The following ZFAND3 variants were observed in gnomAD, a reference collection of about 807,000 sequenced individuals.
The protein encoded by ZFAND3 is zinc finger AN1-type containing 3.
In ZFAND3, 10 loss-of-function variants were observed where a neutral mutation model predicts 29.6. The ratio of observed to expected loss-of-function variants is 0.34; its 90% confidence interval spans 0.21 to 0.57. ZFAND3 has a LOEUF of 0.57. Among genes scored for constraint, ZFAND3 ranks in the 20% least tolerant of loss-of-function variants. The pLI is 0.86. For missense variants in ZFAND3, 230 were observed against 304.5 expected, an observed-to-expected ratio of 0.76 and a Z score of 1.82; for synonymous variants, 128 against 112.6, an observed-to-expected ratio of 1.14 and a Z score of -0.87.
intron 4 of ZFAND3, among the ~76,000 whole-genome samples, chr6:38,086,842 C>T (rs568120991): frequency 6.6e-6 from 1 of 152,164 alleles, no homozygotes; most frequent in South Asian, 2.1e-4. Context: ...GAAAAAAATC[C>T]TAAAATTTAT....
chr6:38,066,626 T>A (rs922396474), intron 3 of ZFAND3, among the ~76,000 whole-genome samples: 4 of 152,204 alleles, frequency 2.6e-5, no homozygotes, highest in Non-Finnish European at 1.5e-5. Flanking sequence ...TTTTATTATT[T>A]TTTTTCCTAA....
intron 5 of ZFAND3, among the ~76,000 whole-genome samples, chr6:38,149,016 G>A (rs879901194): frequency 3.3e-5 from 5 of 152,094 alleles, no homozygotes; most frequent in African/African-American, 4.8e-5. Context: ...TACCAGCGCT[G>A]CTCCCAAAAT....
intron 2 of ZFAND3, among the ~76,000 whole-genome samples, chr6:37,980,163 CTTTT>C (rs5875605): frequency 1.4e-5 from 2 of 141,586 alleles, no homozygotes; most frequent in African/African-American, 2.6e-5. Context: ...AGGTCACTGT[CTTTT>C]TTTTTTTTTT....
At chr6:37,916,213 T>A (rs1302764765) in intron 1 of ZFAND3, among the ~76,000 whole-genome samples, 1 of 152,132 alleles carries the variant, frequency 6.6e-6, no homozygotes, top group African/African-American at 2.4e-5. Context: ...ATGAAAATGT[T>A]TGAAATATTG....
intron 4 of ZFAND3, among the ~76,000 whole-genome samples, chr6:38,103,395 A>T (rs1271557723): frequency 6.8e-6 from 1 of 147,584 alleles, no homozygotes; most frequent in Non-Finnish European, 1.5e-5. Flanking sequence ...ACACACACAC[A>T]TATATATACA....
chr6:37,846,612 C>T (rs572729872), intron 1 of ZFAND3, among the ~76,000 whole-genome samples: 29 of 152,132 alleles, frequency 1.9e-4, no homozygotes, highest in Middle Eastern at 3.4e-3. Context: ...GAGTCTGGAA[C>T]TTGCCGAAGC....
chr6:37,926,238 G>A (rs1367977181), intron 1 of ZFAND3, among the ~76,000 whole-genome samples: 1 of 152,196 alleles, frequency 6.6e-6, no homozygotes, highest in African/African-American at 2.4e-5. Flanking sequence ...GTTTTCTGAG[G>A]CTATTGTAAC....
chr6:38,032,983 G>C (rs561950931), intron 2 of ZFAND3, among the ~76,000 whole-genome samples: 1 of 152,166 alleles, frequency 6.6e-6, no homozygotes, highest in South Asian at 2.1e-4. Flanking sequence ...TTGCCTCCCC[G>C]GAATGCTAAT....
chr6:38,060,753 T>C (rs1235620992), intron 2 of ZFAND3, among the ~76,000 whole-genome samples: 4 of 152,006 alleles, frequency 2.6e-5, no homozygotes, highest in Non-Finnish European at 4.4e-5. Context: ...GCCCTGCCTG[T>C]TCATTTATAT....
At chr6:37,821,575 G>A (rs1256105281) in intron 1 of ZFAND3, among the ~76,000 whole-genome samples, 1 of 152,172 alleles carries the variant, frequency 6.6e-6, no homozygotes, top group Non-Finnish European at 1.5e-5. Flanking sequence ...GCTCTTTAGA[G>A]TGCGTAGTAC....
chr6:37,863,408 G>A (rs1408065255), intron 1 of ZFAND3, among the ~76,000 whole-genome samples: 4 of 152,108 alleles, frequency 2.6e-5, no homozygotes. Context: ...ACCAAAAACC[G>A]CAATTACTTT....
chr6:37,844,790 G>A (rs188572799), intron 1 of ZFAND3, among the ~76,000 whole-genome samples: 85 of 151,528 alleles, frequency 5.6e-4, no homozygotes, highest in African/African-American at 1.6e-3. Flanking sequence ...CGACGTGGGC[G>A]GATCACGAAG....
intron 2 of ZFAND3, among the ~76,000 whole-genome samples, chr6:38,052,708 A>AT (rs1176628208): frequency 6.6e-6 from 1 of 152,136 alleles, no homozygotes; most frequent in Non-Finnish European, 1.5e-5. Context: ...GAATATGAGG[A>AT]TAAAAAAATC....
chr6:38,103,565 G>T (rs1384960834), intron 4 of ZFAND3, among the ~76,000 whole-genome samples: 1 of 135,008 alleles, frequency 7.4e-6, no homozygotes, highest in Non-Finnish European at 1.6e-5. Context: ...ACACTTCACG[G>T]ACTTCTCAAG....
intron 1 of ZFAND3, among the ~76,000 whole-genome samples, chr6:37,894,236 C>T (rs1765156276): frequency 6.6e-6 from 1 of 152,122 alleles, no homozygotes; most frequent in African/African-American, 2.4e-5. Context: ...GCCTGGGCAA[C>T]AGACTGTGCC....
intron 2 of ZFAND3, among the ~76,000 whole-genome samples, chr6:37,975,466 A>G (rs1009199495): frequency 5.3e-5 from 8 of 152,068 alleles, no homozygotes; most frequent in African/African-American, 1.9e-4. Flanking sequence ...TTTCATTTCA[A>G]TGAAGTTCAG....
chr6:38,080,467 A>G (rs1049611911), intron 3 of ZFAND3, among the ~76,000 whole-genome samples: 4 of 152,138 alleles, frequency 2.6e-5, no homozygotes, highest in African/African-American at 9.7e-5. Context: ...AATCAAGTGG[A>G]AGAGAAAGTG....
At chr6:38,115,051 C>G (rs534378851) in intron 4 of ZFAND3, among the ~76,000 whole-genome samples, 9 of 152,174 alleles carry the variant, frequency 5.9e-5, no homozygotes, top group African/African-American at 2.2e-4. Flanking sequence ...GAAAATGTGA[C>G]TTTGCAAAAT....
In ZFAND3 at chr6:37,878,421, C is replaced by T. The variant is rs114509353; in HGVS notation, c.72-51538C>T. On this transcript the variant is annotated intron_variant, in intron 1 of 5. Coordinates refer to ENST00000287218, the MANE Select transcript of ZFAND3 (RefSeq NM_021943.3). ...GAGGGTTGTGTTGTAGGCTCCCCAG[C>T]GCTTGATGTAGCTCTGAGAGGTGAG... Among the ~76,000 whole-genome samples the T allele has an allele frequency of 4.4e-3, 667 of 152,140 alleles. 6 individuals carry two copies. The highest frequency in any genetic ancestry group is 0.015 in the African/African-American group (636 of 41,530).
Sources: gnomAD v4.1 joint callset for allele counts (sites outside exome capture counted in the v4.1 genomes callset) on GRCh38, gnomAD v4.1.1 for gene constraint, MANE v1.5 for transcripts, NCBI Gene and HGNC (gene_info 2026-07-23, HGNC 2026-07-21) for gene names.